Variants in ARID2 observed in about 807,000 individuals in gnomAD.
ARID2 encodes AT-rich interactive domain-containing protein 2.
A neutral mutation model predicts 184.6 loss-of-function variants in ARID2; 32 were observed. The ratio of observed to expected loss-of-function variants is 0.17; its 90% CI spans 0.13 to 0.23. The LOEUF (loss-of-function observed/expected upper bound fraction) is 0.23. Ranked by LOEUF, ARID2 falls within the 10% of genes least tolerant of loss-of-function variation. The probability of loss-of-function intolerance (pLI) is 1.00; values close to 1 mark genes in which losing one functional copy is unlikely to be tolerated. For missense variants in ARID2, 1,696 were observed against 2,197.6 expected, an observed-to-expected ratio of 0.77 and a Z score of 4.56; for synonymous variants, 836 against 772.6, an observed-to-expected ratio of 1.08 and a Z score of -1.36.
chr12:45,893,923 G>A, intron 20 of ARID2: 1 of 404,922 alleles, frequency 2.5e-6, no homozygotes, highest in Non-Finnish European at 4.3e-6. Flanking sequence ...CCAAAAGGTG[G>A]TCTCTTAAGT....
At chr12:45,899,270 CAA>C (rs774912363) in intron 20 of ARID2, among the ~76,000 whole-genome samples, 3 of 46,334 alleles carry the variant, frequency 6.5e-5, no homozygotes, top group African/African-American at 2.9e-4. Flanking sequence ...GACTCTGTCT[CAA>C]AAAAAAAAAA....
chr12:45,741,422 T>A (rs781373596), intron 3 of ARID2, among the ~76,000 whole-genome samples: 1 of 152,200 alleles, frequency 6.6e-6, no homozygotes, highest in African/African-American at 2.4e-5. Context: ...GGTCTCAAAC[T>A]TCTGGGCTTA....
intron 3 of ARID2, among the ~76,000 whole-genome samples, chr12:45,740,091 T>G (rs74805482): frequency 6.6e-6 from 1 of 152,190 alleles, no homozygotes; most frequent in African/African-American, 2.4e-5. Context: ...TCAAGAGTTC[T>G]TAAGTGGTTT....
At chr12:45,768,801 G>A (rs1941817710) in intron 3 of ARID2, among the ~76,000 whole-genome samples, 1 of 152,144 alleles carries the variant, frequency 6.6e-6, no homozygotes, top group Non-Finnish European at 1.5e-5. Flanking sequence ...TGTTTTGATT[G>A]ACCTGTGAAG....
chr12:45,774,814 A>ATAAT (rs1941944159), intron 3 of ARID2, among the ~76,000 whole-genome samples: 1 of 152,210 alleles, frequency 6.6e-6, no homozygotes, highest in Admixed American at 6.5e-5. Context: ...TTGTGGCCAG[A>ATAAT]TAATTGTTCC....
chr12:45,835,530 C>T (rs533294778), intron 6 of ARID2, among the ~76,000 whole-genome samples: 3 of 151,792 alleles, frequency 2.0e-5, no homozygotes, highest in South Asian at 4.2e-4. Flanking sequence ...TTGAAATATA[C>T]ACATAATGTC....
chr12:45,886,301 C>T (rs1944188575), intron 16 of ARID2, among the ~76,000 whole-genome samples: 1 of 152,184 alleles, frequency 6.6e-6, no homozygotes, highest in Admixed American at 6.5e-5. Context: ...TGTTTCACAC[C>T]CTGGTCACGC....
intron 4 of ARID2, among the ~76,000 whole-genome samples, chr12:45,815,531 T>C (rs983531379): frequency 1.3e-5 from 2 of 152,222 alleles, no homozygotes; most frequent in African/African-American, 2.4e-5. Flanking sequence ...TGAAATTCTT[T>C]ACTTACATGA....
At chr12:45,804,992 T>A (rs542596640) in intron 3 of ARID2, among the ~76,000 whole-genome samples, 1 of 152,252 alleles carries the variant, frequency 6.6e-6, no homozygotes, top group African/African-American at 2.4e-5. Flanking sequence ...GATGGCTGTT[T>A]GTATGGGTCC....
intron 3 of ARID2, among the ~76,000 whole-genome samples, chr12:45,791,590 T>C (rs1181740331): frequency 6.6e-6 from 1 of 152,130 alleles, no homozygotes; most frequent in Non-Finnish European, 1.5e-5. Flanking sequence ...TGTAAGATTG[T>C]TGATTGATTG....
intron 16 of ARID2, among the ~76,000 whole-genome samples, chr12:45,890,877 T>G (rs1006572650): frequency 1.4e-4 from 21 of 152,010 alleles, no homozygotes; most frequent in Non-Finnish European, 1.6e-4. Flanking sequence ...CTTAAAGATA[T>G]TGATTATGGC....
chr12:45,731,464 TGA>T, intron 3 of ARID2, 150 bp downstream of exon 3: 1 of 597,912 alleles, frequency 1.7e-6, no homozygotes, highest in Admixed American at 3.0e-5. Flanking sequence ...ATAAATAAAG[TGA>T]GATTGTAGGA....
chr12:45,907,124 C>T lies in ARID2; in HGVS notation c.*2046C>T. 4.3e-6 allele frequency: 1 copy of T among 232,724 alleles called. No individual in the cohort carries two copies. Among genetic ancestry groups the T allele is most frequent in the African/African-American group, 2.2e-5 (1 of 45,446 alleles). 14.4% of individuals were successfully genotyped at this position (232,724 alleles called of 1,614,324 possible). On this transcript the variant is annotated 3_prime_UTR_variant, in exon 21 of 21. Coordinates refer to ENST00000334344, the MANE Select transcript of ARID2 (RefSeq NM_152641.4). ...GGTTGTGGAATTTATGCTTGGCCCA[C>T]CTTCCAAGACTGGCACTGCCCAACA...
intron 20 of ARID2, among the ~76,000 whole-genome samples, chr12:45,901,340 T>C (rs1218522928): frequency 6.6e-6 from 1 of 150,952 alleles, no homozygotes; most frequent in Non-Finnish European, 1.5e-5. Context: ...CCCGCTAATA[T>C]TTTGTATATT....
intron 3 of ARID2, among the ~76,000 whole-genome samples, chr12:45,732,358 A>G (rs1941020142): frequency 6.6e-6 from 1 of 152,194 alleles, no homozygotes. Flanking sequence ...AAATGCAGTA[A>G]TCGCACAGGT....
At position 45,893,758 on chromosome 12, in the gene ARID2, G is replaced by T. The variant is rs1322024860; in HGVS notation, c.5363+37G>T. The T allele has an allele frequency of 4.2e-6, 6 of 1,433,364 alleles. No homozygotes were observed. In the African/African-American group the frequency reaches 5.8e-5, roughly 14 times the overall value. 88.8% of individuals were successfully genotyped at this position (1,433,364 alleles called of 1,614,324 possible). A position where few individuals can be genotyped will look rare whatever the true frequency, so the allele number is the denominator to read the frequency against. Reference sequence around the variant, plus strand: ...GTTTTCTGTAGCCAAAGTGAATTTAGTTTATTTTATTTTTACATATAAGTT... The same window carrying T: ...GTTTTCTGTAGCCAAAGTGAATTTATTTTATTTTATTTTTACATATAAGTT... On this transcript the variant is annotated intron_variant, in intron 20 of 20. Transcript: ENST00000334344.
At chr12:45,863,626 C>T (rs1247438442) in intron 16 of ARID2, among the ~76,000 whole-genome samples, 9 of 151,642 alleles carry the variant, frequency 5.9e-5, no homozygotes, top group Admixed American at 5.9e-4. Flanking sequence ...TTCTTTGTTT[C>T]CATCAGATTT....
chr12:45,866,036 T>A (rs1263038067), intron 16 of ARID2, among the ~76,000 whole-genome samples: 2 of 152,096 alleles, frequency 1.3e-5, no homozygotes, highest in African/African-American at 4.8e-5. Flanking sequence ...ACCTTTTTCA[T>A]ATACAGCTAT....
chr12:45,848,816 T>A lies in ARID2; in HGVS notation c.1581-20T>A. On this transcript the variant is annotated intron_variant, in intron 12 of 20. Transcript: ENST00000334344. ...TTCCTAGAGTATATTGTATAATGCT[T>A]AATTTTTCTCCTCTTTTAGGCTAAA... 6 of 1,603,282 alleles carry A rather than the reference T, an allele frequency of 3.7e-6. No homozygotes were observed. The highest frequency in any genetic ancestry group is 4.3e-6 in the Non-Finnish European group (5 of 1,173,986).
Sources: gnomAD v4.1 joint callset for allele counts (sites outside exome capture counted in the v4.1 genomes callset) on GRCh38, gnomAD v4.1.1 for gene constraint, MANE v1.5 for transcripts, NCBI Gene and HGNC (gene_info 2026-07-23, HGNC 2026-07-21) for gene names.